The following TEX14 variants were observed in gnomAD, a reference collection of about 807,000 sequenced individuals.
TEX14 encodes the protein testis expressed 14, intercellular bridge forming factor.
In TEX14, 168 loss-of-function variants were observed where a neutral mutation model predicts 178.6. The observed-to-expected ratio is 0.94, with a 90% confidence interval of 0.83 to 1.07. The LOEUF (loss-of-function observed/expected upper bound fraction) is 1.07, where lower values mean the gene tolerates loss of function less well. TEX14 is among the 50% of genes least tolerant of loss of function. The probability of loss-of-function intolerance (pLI) is 0.00; values close to 1 mark genes in which losing one functional copy is unlikely to be tolerated. For synonymous variants in TEX14, 626 were observed against 634.1 expected, an observed-to-expected ratio of 0.99 and a Z score of 0.19; for missense variants, 1,730 against 1,753.6, an observed-to-expected ratio of 0.99 and a Z score of 0.24.
intron 2 of TEX14, among the ~76,000 whole-genome samples, chr17:58,633,342 A>G (rs926838513): frequency 1.3e-5 from 2 of 152,210 alleles, no homozygotes; most frequent in African/African-American, 4.8e-5. Context: ...GACTACATGA[A>G]TGGCTTTGGG....
At chr17:58,635,862 C>T (rs983164011) in intron 2 of TEX14, among the ~76,000 whole-genome samples, 1 of 152,158 alleles carries the variant, frequency 6.6e-6, no homozygotes, top group African/African-American at 2.4e-5. Context: ...TCTCCTGCCT[C>T]AGCCTCCCCA....
At chr17:58,585,224 T>G (rs545766257) in intron 18 of TEX14, among the ~76,000 whole-genome samples, 23 of 152,254 alleles carry the variant, frequency 1.5e-4, no homozygotes, top group African/African-American at 5.5e-4. Flanking sequence ...AGGGTCAGTA[T>G]TTGATTATTT....
At chr17:58,600,524 GC>G (rs2045407002) in intron 13 of TEX14, among the ~76,000 whole-genome samples, 1 of 149,448 alleles carries the variant, frequency 6.7e-6, no homozygotes, top group Non-Finnish European at 1.5e-5. Context: ...TTGCGCCATT[GC>G]ACTCCAGTCT....
At chr17:58,679,357 A>C (rs2047450369) in intron 1 of TEX14, among the ~76,000 whole-genome samples, 1 of 152,164 alleles carries the variant, frequency 6.6e-6, no homozygotes, top group Non-Finnish European at 1.5e-5. Flanking sequence ...TGTAGTACTC[A>C]ATGACAACAC....
chr17:58,585,324 T>C (rs893947139), intron 18 of TEX14, among the ~76,000 whole-genome samples: 1 of 152,194 alleles, frequency 6.6e-6, no homozygotes, highest in East Asian at 1.9e-4. Context: ...CAATGAGATA[T>C]AGGGCTATAC....
chr17:58,671,274 TG>T (rs762825432), intron 1 of TEX14, among the ~76,000 whole-genome samples: 30 of 152,338 alleles, frequency 2.0e-4, no homozygotes, highest in Admixed American at 1.2e-3. Flanking sequence ...TGCCTGGTGC[TG>T]GGGGACATCA....
chr17:58,668,932 G>A (rs1459171784), intron 1 of TEX14, among the ~76,000 whole-genome samples: 2 of 152,094 alleles, frequency 1.3e-5, no homozygotes, highest in African/African-American at 4.8e-5. Flanking sequence ...CATTTGTTCC[G>A]GGTATATATC....
chr17:58,591,693 G>T (rs1435416090), intron 15 of TEX14, among the ~76,000 whole-genome samples: 1 of 149,268 alleles, frequency 6.7e-6, no homozygotes, highest in Non-Finnish European at 1.5e-5. Context: ...TTGTGGATTA[G>T]TGCTACCATT....
intron 14 of TEX14, among the ~76,000 whole-genome samples, chr17:58,596,112 G>A (rs963929367): frequency 6.6e-6 from 1 of 152,036 alleles, no homozygotes; most frequent in Non-Finnish European, 1.5e-5. Context: ...GAACCCGGGA[G>A]GTGGAAGTTG....
At chr17:58,601,488 C>CT (rs1289704765) in intron 13 of TEX14, among the ~76,000 whole-genome samples, 1 of 148,478 alleles carries the variant, frequency 6.7e-6, no homozygotes, top group Non-Finnish European at 1.5e-5. Flanking sequence ...CACCATTGCA[C>CT]TCCAGCCTGG....
intron 9 of TEX14, among the ~76,000 whole-genome samples, chr17:58,612,259 T>G (rs1440093233): frequency 6.6e-6 from 1 of 152,118 alleles, no homozygotes; most frequent in Non-Finnish European, 1.5e-5. Context: ...GTGTCTGTAT[T>G]TTCTGGGTCC....
At chr17:58,589,557 C>CAAAA (rs71143254) in intron 15 of TEX14, among the ~76,000 whole-genome samples, 1 of 56,468 alleles carries the variant, frequency 1.8e-5, no homozygotes, top group African/African-American at 6.6e-5. Flanking sequence ...GACTCCGTCT[C>CAAAA]AAAAAAAAAA....
chr17:58,609,333 T>C (rs191831035), intron 10 of TEX14, among the ~76,000 whole-genome samples: 98 of 152,286 alleles, frequency 6.4e-4, no homozygotes, highest in African/African-American at 2.2e-3. Context: ...ATGGTCTCGA[T>C]TTCCTGACCT....
chr17:58,586,536 G>A (rs985735591), intron 17 of TEX14, among the ~76,000 whole-genome samples: 2 of 152,110 alleles, frequency 1.3e-5, no homozygotes, highest in African/African-American at 4.8e-5. Flanking sequence ...TTCTGCTAAT[G>A]TCACTTACGA....
At chr17:58,646,171 G>C (rs1429775709) in intron 2 of TEX14, among the ~76,000 whole-genome samples, 1 of 152,060 alleles carries the variant, frequency 6.6e-6, no homozygotes, top group African/African-American at 2.4e-5. Flanking sequence ...AATGTAAAGA[G>C]GTATAGCTTA....
intron 1 of TEX14, chr17:58,661,855 C>T (rs765417604): frequency 2.0e-4 from 79 of 401,848 alleles, no homozygotes; most frequent in Non-Finnish European, 3.2e-4. Context: ...GGGAATAATA[C>T]TGCCTTCCTG....
chr17:58,599,399 T>A lies in TEX14; in HGVS notation c.1946A>T (p.Asp649Val). ...CAGTTCATCTACCTGGTTAGGTCCG[T>A]CTGCCTCCAAAGATGAAGCAGCTCC... ...PPGAASSLEADGPNQVDELKS... is the reference protein window; with the variant it reads ...PPGAASSLEAVGPNQVDELKS... The change falls in exon 14 of 32, where the codon GAC becomes GTC. Residue 649 changes from aspartate (D) to valine (V), a missense_variant. Coordinates refer to ENST00000349033, the MANE Select transcript of TEX14 (RefSeq NM_031272.5). 1 of 1,614,226 alleles carries A rather than the reference T, an allele frequency of 6.2e-7. No homozygotes were observed. The highest frequency in any genetic ancestry group is 8.5e-7 in the Non-Finnish European group (1 of 1,180,046).
intron 1 of TEX14, among the ~76,000 whole-genome samples, chr17:58,676,589 C>CCAA (rs1166855486): frequency 6.6e-6 from 1 of 151,952 alleles, no homozygotes; most frequent in Non-Finnish European, 1.5e-5. Context: ...CAAAACAAAA[C>CCAA]CAACAAACTA....
chr17:58,578,871 G>A lies in TEX14; in HGVS notation c.3238+794C>T, dbSNP rs146226019. On this transcript the variant is annotated intron_variant, in intron 20 of 31. Coordinates refer to ENST00000349033, the MANE Select transcript of TEX14 (RefSeq NM_031272.5). ...ACAGTTGGAAGCTGGAGTATGCAGT[G>A]GAAGAAGGGAGTAAGTTCATAACAC... 3.9e-3 allele frequency among the ~76,000 whole-genome samples: 599 copies of A among 152,328 alleles called. 2 individuals are homozygous for A. The highest frequency in any genetic ancestry group is 5.9e-3 in the Non-Finnish European group (399 of 68,028).
Sources: allele counts gnomAD v4.1 joint callset (sites outside exome capture counted in the v4.1 genomes callset), GRCh38; gene constraint gnomAD v4.1.1; transcripts MANE v1.5; gene names NCBI Gene and HGNC (gene_info 2026-07-23, HGNC 2026-07-21).